DNAL4: variants seen among roughly 807,000 people sequenced by gnomAD.
DNAL4 encodes dynein axonemal light chain 4.
A neutral mutation model predicts 12.6 loss-of-function variants in DNAL4; 10 were observed. The observed-to-expected ratio is 0.79, with a 90% confidence interval of 0.49 to 1.34. The LOEUF is 1.34. DNAL4 is among the 40% of genes most tolerant of loss of function. DNAL4 has a pLI of 0.00. For missense variants in DNAL4, 128 were observed against 138.1 expected (o/e 0.93, Z 0.37); for synonymous variants, 46 against 53.1 (o/e 0.87, Z 0.58).
intron 1 of DNAL4, among the ~76,000 whole-genome samples, chr22:38,789,884 A>C (rs1250413191): frequency 6.6e-6 from 1 of 152,258 alleles, no homozygotes; most frequent in Non-Finnish European, 1.5e-5. Flanking sequence ...GCCAAGGCAG[A>C]AAGTACAAAG....
At chr22:38,793,560 C>G (rs2093054199) in intron 1 of DNAL4, among the ~76,000 whole-genome samples, 1 of 152,134 alleles carries the variant, frequency 6.6e-6, no homozygotes, top group African/African-American at 2.4e-5. Flanking sequence ...ACAACGACAT[C>G]CTAGAACGTC....
At chr22:38,783,942 C>T (rs1332464869) in intron 1 of DNAL4, among the ~76,000 whole-genome samples, 4 of 150,530 alleles carry the variant, frequency 2.7e-5, no homozygotes, top group Non-Finnish European at 4.4e-5. Flanking sequence ...CATCTTCAAC[C>T]CAATTTATCT....
intron 1 of DNAL4, among the ~76,000 whole-genome samples, chr22:38,787,421 T>C (rs916788907): frequency 1.3e-5 from 2 of 152,058 alleles, no homozygotes; most frequent in Non-Finnish European, 2.9e-5. Flanking sequence ...TTTGTATTTT[T>C]AGTAGAGATG....
intron 1 of DNAL4, among the ~76,000 whole-genome samples, chr22:38,787,432 G>A (rs1214535679): frequency 6.6e-6 from 1 of 151,804 alleles, no homozygotes; most frequent in African/African-American, 2.4e-5. Context: ...AGTAGAGATG[G>A]GGTTTCACCA....
At chr22:38,781,279 C>T (rs891893360) in intron 2 of DNAL4, among the ~76,000 whole-genome samples, 2 of 152,230 alleles carry the variant, frequency 1.3e-5, no homozygotes, top group Non-Finnish European at 1.5e-5. Context: ...GGAAGAAAGC[C>T]GGCTGAGGGC....
At chr22:38,789,291 G>A (rs1341311506) in intron 1 of DNAL4, among the ~76,000 whole-genome samples, 2 of 152,214 alleles carry the variant, frequency 1.3e-5, no homozygotes, top group African/African-American at 4.8e-5. Flanking sequence ...TTCGAGACAG[G>A]GTCTCACTCT....
At position 38,779,835 on chromosome 22, in the gene DNAL4, G is replaced by A. The variant is rs1380975745; in HGVS notation, c.154-222C>T. 6.6e-6 allele frequency among the ~76,000 whole-genome samples: 1 copy of A among 152,198 alleles called. No individual in the cohort carries two copies. The highest frequency in any genetic ancestry group is 1.5e-5 in the Non-Finnish European group (1 of 68,032). On this transcript the variant is annotated intron_variant, in intron 3 of 3. Transcript: ENST00000216068. This position sits in a 1 kb window ranked among gnomAD's most constrained non-coding sequence, Gnocchi z 4.3. ...AAACTAGACATTACTCAGCAGTCAAGAAGAAACTGGCTGAGGCGGGAAGGC... is the reference window on the plus strand; with the variant it reads ...AAACTAGACATTACTCAGCAGTCAAAAAGAAACTGGCTGAGGCGGGAAGGC...
At chr22:38,787,061 G>A (rs190349127) in intron 1 of DNAL4, among the ~76,000 whole-genome samples, 10 of 152,070 alleles carry the variant, frequency 6.6e-5, no homozygotes, top group Admixed American at 4.6e-4. Context: ...CTTAGATCAC[G>A]GCTCGCCTCC....
intron 1 of DNAL4, among the ~76,000 whole-genome samples, chr22:38,790,974 C>G (rs2093049674): frequency 6.6e-6 from 1 of 152,086 alleles, no homozygotes; most frequent in Non-Finnish European, 1.5e-5. Context: ...TCGAGACCAG[C>G]CTGGCCAACA....
chr22:38,781,309 G>C (rs1180734599), intron 2 of DNAL4, among the ~76,000 whole-genome samples: 2 of 152,254 alleles, frequency 1.3e-5, no homozygotes, highest in Admixed American at 1.3e-4. Context: ...GCTGGCTATG[G>C]AAGTGTGTTC....
intron 1 of DNAL4, among the ~76,000 whole-genome samples, chr22:38,792,387 A>C (rs2093052130): frequency 6.6e-6 from 1 of 151,700 alleles, no homozygotes; most frequent in African/African-American, 2.4e-5. Flanking sequence ...GGTTCACGCC[A>C]TTCTCCTGTC....
In DNAL4 at chr22:38,782,740, C is replaced by T. The variant is rs767881922; in HGVS notation, c.-9G>A. On this transcript the variant is annotated 5_prime_UTR_variant, in exon 2 of 4. Transcript: ENST00000216068. This position sits in a 1 kb window ranked among gnomAD's most constrained non-coding sequence, Gnocchi z 5.1. ...CCTTCTGTTTCTCCCATGATCCTTCCACTGTGACCACTGGAGGAGAGTGGG... is the reference window on the plus strand; with the variant it reads ...CCTTCTGTTTCTCCCATGATCCTTCTACTGTGACCACTGGAGGAGAGTGGG... 1 of 1,610,344 alleles carries T rather than the reference C, an allele frequency of 6.2e-7. No individual in the cohort carries two copies. Among genetic ancestry groups the T allele is most frequent in the Non-Finnish European group, 8.5e-7 (1 of 1,178,646 alleles).
chr22:38,786,998 T>C (rs2093043207), intron 1 of DNAL4, among the ~76,000 whole-genome samples: 1 of 152,144 alleles, frequency 6.6e-6, no homozygotes, highest in Non-Finnish European at 1.5e-5. Flanking sequence ...CCAAAATATC[T>C]GCCAGCCCCC....
At position 38,782,657 on chromosome 22, in the gene DNAL4, G is replaced by T. The variant is rs531184902; in HGVS notation, c.69+6C>A. 66 of 1,612,910 alleles carry T rather than the reference G, an allele frequency of 4.1e-5. No individual in the cohort carries two copies. In the East Asian group the frequency reaches 1.1e-3, roughly 27 times the overall value. ...GGCAGTCCTGCCTCCCTCCCCTGGG[G>T]CTTACCCTGACCAGAGGGAAGGTCT... On this transcript the variant is annotated splice_donor_region_variant and intron_variant, in intron 2 of 3. Transcript: ENST00000216068. This position sits in a 1 kb window ranked among gnomAD's most constrained non-coding sequence, Gnocchi z 5.1.
chr22:38,781,020 G>A lies in DNAL4; in HGVS notation c.70-11C>T, dbSNP rs1284168283. On this transcript the variant is annotated splice_polypyrimidine_tract_variant and intron_variant, in intron 2 of 3. Coordinates refer to ENST00000216068, the MANE Select transcript of DNAL4 (RefSeq NM_005740.3). ...TGGCATGTCCGAGTGCTAGAGACAG[G>A]GCAGGGGTAACAAACAAGAGACAGG... 6.2e-7 allele frequency: 1 copy of A among 1,613,814 alleles called. No homozygotes were observed. Among genetic ancestry groups the A allele is most frequent in the East Asian group, 2.2e-5 (1 of 44,862 alleles).
chr22:38,779,654 G>A lies in DNAL4; in HGVS notation c.154-41C>T. 1.3e-6 allele frequency: 2 copies of A among 1,566,628 alleles called. No individual in the cohort carries two copies. Among genetic ancestry groups the A allele is most frequent in the Non-Finnish European group, 1.7e-6 (2 of 1,152,864 alleles). On this transcript the variant is annotated intron_variant, in intron 3 of 3. Coordinates refer to ENST00000216068, the MANE Select transcript of DNAL4 (RefSeq NM_005740.3). The surrounding 1 kb of genome is among the most constrained non-coding windows in gnomAD (Gnocchi z 4.3). ...CACTTATCAAGGGGGCGCAGGGCAG[G>A]TGGGGGCAGGAGTCAGGTCCTTCTC...
chr22:38,791,321 C>T (rs1337622746), intron 1 of DNAL4, among the ~76,000 whole-genome samples: 1 of 152,016 alleles, frequency 6.6e-6, no homozygotes, highest in Admixed American at 6.6e-5. Context: ...CATTACTGGA[C>T]ACCACTATAA....
rs1024807076 is a variant in DNAL4 at position 38,779,344 on chromosome 22, G to T, written c.*105C>A. 1 of 1,385,036 alleles carries T rather than the reference G, an allele frequency of 7.2e-7. No individual in the cohort carries two copies. Among genetic ancestry groups the T allele is most frequent in the Non-Finnish European group, 9.5e-7 (1 of 1,047,316 alleles). 85.8% of individuals were successfully genotyped at this position (1,385,036 alleles called of 1,614,324 possible). On this transcript the variant is annotated 3_prime_UTR_variant, in exon 4 of 4. Coordinates refer to ENST00000216068, the MANE Select transcript of DNAL4 (RefSeq NM_005740.3). The surrounding 1 kb of genome is among the most constrained non-coding windows in gnomAD (Gnocchi z 4.3). ...CTGGTACACAAAGACAAAAAGAAAA[G>T]ACCCCAACTCTCCTTGGAAAAACCA...
intron 1 of DNAL4, chr22:38,785,396 T>C (rs1046654854): frequency 3.3e-5 from 5 of 152,198 alleles, no homozygotes; most frequent in African/African-American, 1.2e-4. Flanking sequence ...CACTGAGATG[T>C]TTCCATTTGA....
Sources: gnomAD v4.1 joint callset for allele counts (sites outside exome capture counted in the v4.1 genomes callset) on GRCh38, gnomAD v4.1.1 for gene constraint, Gnocchi (gnomAD v3.1) non-coding constraint, MANE v1.5 for transcripts, NCBI Gene and HGNC (gene_info 2026-07-23, HGNC 2026-07-21) for gene names.